The following RIC8B variants were observed in gnomAD, a reference collection of about 807,000 sequenced individuals.
RIC8B encodes the protein RIC8 guanine nucleotide exchange factor B.
In RIC8B, 16 loss-of-function variants were observed where a neutral mutation model predicts 57.5. That is an observed-to-expected ratio of 0.28 (90% CI 0.19 to 0.42). The LOEUF is 0.42. Among genes scored for constraint, RIC8B ranks in the 10% least tolerant of loss-of-function variants. RIC8B has a pLI of 1.00. For synonymous variants in RIC8B, 216 were observed against 250.8 expected (o/e 0.86, Z 1.31); for missense variants, 481 against 677.0 (o/e 0.71, Z 3.21).
intron 8 of RIC8B, among the ~76,000 whole-genome samples, chr12:106,862,566 G>A (rs748859446): frequency 6.6e-6 from 1 of 152,038 alleles, no homozygotes; most frequent in African/African-American, 2.4e-5. Flanking sequence ...GCATCTGAAA[G>A]GATTGCTTAC....
At chr12:106,808,177 A>G (rs1399711206) in intron 2 of RIC8B, among the ~76,000 whole-genome samples, 1 of 152,162 alleles carries the variant, frequency 6.6e-6, no homozygotes, top group East Asian at 1.9e-4. Flanking sequence ...AACAATTTAC[A>G]TAGCATTTAT....
At chr12:106,832,960 A>T (rs2046420719) in intron 4 of RIC8B, among the ~76,000 whole-genome samples, 1 of 152,018 alleles carries the variant, frequency 6.6e-6, no homozygotes, top group African/African-American at 2.4e-5. Context: ...TTTGGGCTTT[A>T]TCCCTTCAAT....
intron 1 of RIC8B, among the ~76,000 whole-genome samples, chr12:106,777,958 A>G (rs1218661896): frequency 6.6e-6 from 1 of 152,208 alleles, no homozygotes; most frequent in Admixed American, 6.5e-5. Context: ...ACCCTAAACG[A>G]GTTACTTAAC....
At chr12:106,788,314 A>G (rs1201430297) in intron 2 of RIC8B, among the ~76,000 whole-genome samples, 1 of 152,134 alleles carries the variant, frequency 6.6e-6, no homozygotes, top group African/African-American at 2.4e-5. Flanking sequence ...GCTGGTGTTC[A>G]GTGTCTGCGG....
chr12:106,873,983 T>G (rs994553385), intron 9 of RIC8B, among the ~76,000 whole-genome samples: 6 of 152,234 alleles, frequency 3.9e-5, no homozygotes, highest in South Asian at 2.1e-4. Flanking sequence ...TTTATCATTA[T>G]TTGATTAGTA....
chr12:106,883,535 G>A (rs1276948150), intron 9 of RIC8B, among the ~76,000 whole-genome samples: 2 of 152,010 alleles, frequency 1.3e-5, no homozygotes, highest in East Asian at 3.9e-4. Context: ...ATTGAATAGA[G>A]TCACCATCCA....
At chr12:106,858,459 A>G (rs944920954) in intron 7 of RIC8B, among the ~76,000 whole-genome samples, 3 of 152,244 alleles carry the variant, frequency 2.0e-5, no homozygotes, top group African/African-American at 7.2e-5. Flanking sequence ...TTTGACCTTC[A>G]TGAATATTAA....
At chr12:106,806,762 G>A (rs1593155651) in intron 2 of RIC8B, among the ~76,000 whole-genome samples, 3 of 152,092 alleles carry the variant, frequency 2.0e-5, no homozygotes, top group South Asian at 4.1e-4. Context: ...CCCGGGAGGC[G>A]GAGATTGCAC....
In RIC8B at chr12:106,814,717, A is replaced by G. The variant is rs376042792; in HGVS notation, c.154A>G (p.Lys52Glu). 5 of 1,601,890 alleles carry G rather than the reference A, an allele frequency of 3.1e-6. No homozygotes were observed. In the African/African-American group the frequency reaches 5.4e-5, roughly 17 times the overall value. ...TCAGAAACTCTGTGAAGGCATATTTAAAGTCCTTATAAAGGACATCCCAAC... is the reference window on the plus strand; with the variant it reads ...TCAGAAACTCTGTGAAGGCATATTTGAAGTCCTTATAAAGGACATCCCAAC... ...KRKKLCEGIFKVLIKDIPTTC... is the reference protein window; with the variant it reads ...KRKKLCEGIFEVLIKDIPTTC... Residue 52 changes from lysine (K) to glutamate (E), a missense_variant, in exon 3 of 10, where the codon AAA (lysine) becomes GAA (glutamate). Around this residue, in one of 3 missense-constraint regions of RIC8B, gnomAD observed 421 missense variants for 560.9 expected, o/e 0.75. Transcript: ENST00000392837.
intron 6 of RIC8B, among the ~76,000 whole-genome samples, chr12:106,845,762 ATTC>A (rs1480788931): frequency 1.3e-5 from 2 of 151,954 alleles, no homozygotes; most frequent in East Asian, 3.9e-4. Flanking sequence ...CACTCTCTCT[ATTC>A]TTTTTACTCG....
At chr12:106,794,194 G>A (rs1452118322) in intron 2 of RIC8B, among the ~76,000 whole-genome samples, 1 of 152,154 alleles carries the variant, frequency 6.6e-6, no homozygotes, top group Non-Finnish European at 1.5e-5. Flanking sequence ...GGGCTCAACA[G>A]TAGATTTGAA....
chr12:106,835,210 C>A (rs1334182904), intron 4 of RIC8B, among the ~76,000 whole-genome samples: 1 of 151,994 alleles, frequency 6.6e-6, no homozygotes, highest in Admixed American at 6.6e-5. Flanking sequence ...AGTAAGTTAC[C>A]TTATCATAAC....
chr12:106,879,440 C>T lies in RIC8B; in HGVS notation c.1572-6464C>T. 3 of 985,192 alleles carry T rather than the reference C, an allele frequency of 3.0e-6. No individual in the cohort carries two copies. The South Asian group carries it at 1.4e-4, about 46-fold the overall frequency. The allele number at this position is 985,192 out of a possible 1,614,324, so 61.0% of individuals were successfully genotyped here. On this transcript the variant is annotated intron_variant, in intron 9 of 9. Coordinates refer to ENST00000392837, the MANE Select transcript of RIC8B (RefSeq NM_001330145.2). This position sits in a 1 kb window ranked among gnomAD's most constrained non-coding sequence, Gnocchi z 4.9. ...GAAGCCCTAAAAAGCAGAACCTTCTCTAAGGTGCTGAGAAGTCATATAAGC... is the reference window on the plus strand; with the variant it reads ...GAAGCCCTAAAAAGCAGAACCTTCTTTAAGGTGCTGAGAAGTCATATAAGC...
At chr12:106,780,442 C>G (rs1289356864) in intron 1 of RIC8B, among the ~76,000 whole-genome samples, 1 of 152,170 alleles carries the variant, frequency 6.6e-6, no homozygotes, top group East Asian at 1.9e-4. Context: ...GAACCTGATT[C>G]ATAGAAACCT....
At chr12:106,885,835 G>C (rs1254350292) in intron 9 of RIC8B, 69 bp from the exon 10 acceptor site, 8 of 940,062 alleles carry the variant, frequency 8.5e-6, no homozygotes, top group South Asian at 4.5e-5. Flanking sequence ...GGATTTGGGT[G>C]GGGGGGAGGG....
intron 2 of RIC8B, among the ~76,000 whole-genome samples, chr12:106,800,822 T>A (rs1446278348): frequency 6.6e-6 from 1 of 152,130 alleles, no homozygotes; most frequent in Non-Finnish European, 1.5e-5. Flanking sequence ...AGGAAAGAAC[T>A]TGATTCACTA....
chr12:106,795,839 A>G (rs1194303747), intron 2 of RIC8B, among the ~76,000 whole-genome samples: 1 of 152,170 alleles, frequency 6.6e-6, no homozygotes, highest in Non-Finnish European at 1.5e-5. Flanking sequence ...TAACTCCTGT[A>G]TCAATAATGT....
At chr12:106,775,744 A>G (rs1453475741) in intron 1 of RIC8B, among the ~76,000 whole-genome samples, 1 of 152,234 alleles carries the variant, frequency 6.6e-6, no homozygotes. Context: ...GCTCACTTCA[A>G]AAGATAGCCT....
intron 7 of RIC8B, among the ~76,000 whole-genome samples, chr12:106,858,909 G>T (rs1002396845): frequency 6.6e-6 from 1 of 151,832 alleles, no homozygotes; most frequent in Non-Finnish European, 1.5e-5. Context: ...TATCCTGTCC[G>T]TATCCTCCAT....
Sources: allele counts gnomAD v4.1 joint callset (sites outside exome capture counted in the v4.1 genomes callset), GRCh38; gene constraint gnomAD v4.1.1; regional missense constraint gnomAD v4.1.1; non-coding constraint Gnocchi (gnomAD v3.1); transcripts MANE v1.5; gene names NCBI Gene and HGNC (gene_info 2026-07-23, HGNC 2026-07-21).